PCDH11X: variants seen among roughly 807,000 people sequenced by gnomAD.
PCDH11X encodes protocadherin-11 X-linked.
PCDH11X carries 18 observed loss-of-function variants against 53.3 expected under a neutral mutation model. That is an observed-to-expected ratio of 0.34 (90% CI 0.23 to 0.50). PCDH11X has a LOEUF of 0.50. Ranked by LOEUF, PCDH11X falls within the 20% of genes least tolerant of loss-of-function variation. PCDH11X has a pLI of 0.98. For synonymous variants in PCDH11X, 279 were observed against 393.3 expected (o/e 0.71, Z 3.44); for missense variants, 570 against 1,032.4 (o/e 0.55, Z 6.14).
chrX:92,152,751 T>G (rs868830150), intron 6 of PCDH11X, among the ~76,000 whole-genome samples: 1 of 99,078 alleles, frequency 1.0e-5, no homozygotes, highest in Admixed American at 1.2e-4. Flanking sequence ...TATTTTTATT[T>G]TATGTATGTA....
chrX:91,863,936 C>T (rs940508705), intron 5 of PCDH11X, among the ~76,000 whole-genome samples: 10 of 111,453 alleles, frequency 9.0e-5, no homozygotes, highest in African/African-American at 2.9e-4. Context: ...TTTTTGTTGC[C>T]GTACTGACTA....
intron 6 of PCDH11X, among the ~76,000 whole-genome samples, chrX:92,068,998 C>T (rs2063658368): frequency 9.1e-6 from 1 of 110,446 alleles, no homozygotes; most frequent in African/African-American, 3.3e-5. Context: ...TCCATTTGTT[C>T]TACTATGCAG....
At chrX:92,407,124 T>C (rs1028672677) in intron 9 of PCDH11X, among the ~76,000 whole-genome samples, 6 of 104,712 alleles carry the variant, frequency 5.7e-5, no homozygotes, top group African/African-American at 1.0e-4. Context: ...CAGACCTTTC[T>C]GCTGTTGACT....
chrX:92,438,984 A>G (rs1333621716), intron 9 of PCDH11X, among the ~76,000 whole-genome samples: 1 of 111,416 alleles, frequency 9.0e-6, no homozygotes, highest in African/African-American at 3.3e-5. Flanking sequence ...ATATACTTGG[A>G]CTTACTTGGA....
chrX:92,193,070 T>A (rs2066228010), intron 6 of PCDH11X, among the ~76,000 whole-genome samples: 1 of 111,842 alleles, frequency 8.9e-6, no homozygotes, highest in South Asian at 3.7e-4. Context: ...TCATTTATAG[T>A]TATGGGCAGA....
intron 6 of PCDH11X, among the ~76,000 whole-genome samples, chrX:91,934,411 G>A (rs984875623): frequency 8.3e-4 from 92 of 111,117 alleles, no homozygotes; most frequent in Non-Finnish European, 1.4e-3. Flanking sequence ...TTGCTCTTTT[G>A]AAAGAATAGC....
intron 8 of PCDH11X, among the ~76,000 whole-genome samples, chrX:92,329,844 G>A (rs1191246660): frequency 9.0e-6 from 1 of 111,337 alleles, no homozygotes; most frequent in African/African-American, 3.3e-5. Flanking sequence ...GGTAGTGGCT[G>A]GGGGGAAGTA....
Position 92,069,712 on chromosome X carries a change from C to T in PCDH11X, c.3034-131663C>T, listed in dbSNP as rs1423424814. On this transcript the variant is annotated intron_variant, in intron 6 of 10. Transcript: ENST00000682573. ...ATATTATTTTTTTGAGACAAAGTCT[C>T]GCTCTGTCACCCAGGCTGGAGTGCA... 4.5e-5 allele frequency among the ~76,000 whole-genome samples: 5 copies of T among 111,258 alleles called. No individual in the cohort carries two copies. The East Asian group carries it at 8.4e-4, about 19-fold the overall frequency.
chrX:92,213,090 G>A (rs1368001822), intron 7 of PCDH11X, among the ~76,000 whole-genome samples: 3 of 111,942 alleles, frequency 2.7e-5, no homozygotes, highest in Non-Finnish European at 5.6e-5. Context: ...GACAAGTTTA[G>A]AGGTAACTCT....
intron 6 of PCDH11X, among the ~76,000 whole-genome samples, chrX:91,995,395 G>A (rs1011938272): frequency 1.8e-5 from 2 of 110,975 alleles, no homozygotes; most frequent in African/African-American, 6.6e-5. Context: ...TCTTCTTTTT[G>A]AATATGGATA....
At chrX:92,275,418 G>C (rs2080496794) in intron 8 of PCDH11X, among the ~76,000 whole-genome samples, 1 of 110,590 alleles carries the variant, frequency 9.0e-6, no homozygotes, top group African/African-American at 3.3e-5. Flanking sequence ...AAGTAATGGG[G>C]GCTGTCTGTG....
chrX:92,328,180 G>A (rs1426707529), intron 8 of PCDH11X, among the ~76,000 whole-genome samples: 1 of 111,110 alleles, frequency 9.0e-6, no homozygotes, highest in Non-Finnish European at 1.9e-5. Context: ...CTTATTGCTT[G>A]CATATAATTT....
intron 6 of PCDH11X, among the ~76,000 whole-genome samples, chrX:92,002,675 T>C: frequency 9.2e-6 from 1 of 109,046 alleles, no homozygotes; most frequent in South Asian, 4.1e-4. Flanking sequence ...GGACTAATTT[T>C]ATTTTCTTTT....
intron 10 of PCDH11X, among the ~76,000 whole-genome samples, chrX:92,526,915 T>C (rs1359087090): frequency 9.1e-6 from 1 of 109,719 alleles, no homozygotes; most frequent in Non-Finnish European, 1.9e-5. Flanking sequence ...AGAAAGAAAA[T>C]GTGGTACATA....
intron 6 of PCDH11X, among the ~76,000 whole-genome samples, chrX:91,970,941 G>A (rs1202783846): frequency 9.0e-6 from 1 of 111,374 alleles, no homozygotes; most frequent in Non-Finnish European, 1.9e-5. Flanking sequence ...AAATGAAATT[G>A]AAAGGCATTG....
chrX:92,051,384 G>A (rs1045591232), intron 6 of PCDH11X, among the ~76,000 whole-genome samples: 2 of 111,379 alleles, frequency 1.8e-5, no homozygotes, highest in African/African-American at 3.3e-5. Flanking sequence ...GTATCTCCTA[G>A]GTTTGTGATA....
At chrX:92,059,808 T>C (rs2063500920) in intron 6 of PCDH11X, among the ~76,000 whole-genome samples, 1 of 110,476 alleles carries the variant, frequency 9.1e-6, no homozygotes, top group Non-Finnish European at 1.9e-5. Context: ...AATAGTTTTA[T>C]GATAACTCTG....
intron 6 of PCDH11X, among the ~76,000 whole-genome samples, chrX:92,094,133 ATGTGTGTGTGTG>A (rs58997781): frequency 0.031 from 2,889 of 94,123 alleles, 116 homozygotes; most frequent in East Asian, 0.24. Flanking sequence ...AAAAAGTAAT[ATGTGTGTGTGTG>A]TGTGTGTGTG....
chrX:92,354,479 T>G lies in PCDH11X; in HGVS notation c.3145-33256T>G, dbSNP rs183593746. 6.6e-3 allele frequency among the ~76,000 whole-genome samples: 729 copies of G among 109,953 alleles called. 8 individuals carry two copies. The highest frequency in any genetic ancestry group is 0.023 in the African/African-American group (694 of 30,183). ...TAGAATTTTAGAGAGAAAAATGATA[T>G]TAGAAAGACATTATATACCCAACCC... On this transcript the variant is annotated intron_variant, in intron 8 of 10. Transcript: ENST00000682573.
Sources: gnomAD v4.1 joint callset for allele counts (sites outside exome capture counted in the v4.1 genomes callset) on GRCh38, gnomAD v4.1.1 for gene constraint, MANE v1.5 for transcripts, NCBI Gene and HGNC (gene_info 2026-07-23, HGNC 2026-07-21) for gene names.